The following CSMD1 variants were observed in gnomAD, a reference collection of about 807,000 sequenced individuals.
CSMD1 encodes CUB and sushi domain-containing protein 1.
CSMD1 carries 213 observed loss-of-function variants against 417.5 expected under a neutral mutation model. That is an observed-to-expected ratio of 0.51 (90% CI 0.46 to 0.57). The LOEUF (loss-of-function observed/expected upper bound fraction) is 0.57. Ranked by LOEUF, CSMD1 falls within the 20% of genes least tolerant of loss-of-function variation. CSMD1 has a pLI of 0.00. For missense variants in CSMD1, 6,923 were observed against 4,529.7 expected (o/e 1.53, Z -15.17); for synonymous variants, 2,862 against 1,736.8 (o/e 1.65, Z -16.11).
intron 10 of CSMD1, among the ~76,000 whole-genome samples, chr8:3,545,496 G>C (rs1325565789): frequency 1.3e-5 from 2 of 152,170 alleles, no homozygotes; most frequent in African/African-American, 4.8e-5. Flanking sequence ...ATTTTGAAGA[G>C]GTGAGTGATA....
chr8:4,949,139 C>A (rs764074251), intron 1 of CSMD1, among the ~76,000 whole-genome samples: 1 of 151,998 alleles, frequency 6.6e-6, no homozygotes, highest in Non-Finnish European at 1.5e-5. Context: ...TGATGTTAAA[C>A]TGCCTTTGTA....
At chr8:3,392,617 C>A (rs1043244513) in intron 17 of CSMD1, among the ~76,000 whole-genome samples, 15 of 152,066 alleles carry the variant, frequency 9.9e-5, no homozygotes, top group African/African-American at 1.4e-4. Context: ...CGTCTGCCTT[C>A]ACCTTATTCA....
At chr8:4,868,328 G>T (rs548610172) in intron 1 of CSMD1, among the ~76,000 whole-genome samples, 1 of 151,858 alleles carries the variant, frequency 6.6e-6, no homozygotes, top group African/African-American at 2.4e-5. Flanking sequence ...CCATCCCCTG[G>T]GTTCGAGCGA....
At chr8:4,791,619 C>T (rs1052132434) in intron 1 of CSMD1, among the ~76,000 whole-genome samples, 3 of 152,152 alleles carry the variant, frequency 2.0e-5, no homozygotes, top group African/African-American at 7.2e-5. Context: ...ATGTTACCAA[C>T]GTAAGGGTTG....
chr8:4,401,485 C>T (rs1804639007), intron 3 of CSMD1, among the ~76,000 whole-genome samples: 1 of 152,114 alleles, frequency 6.6e-6, no homozygotes, highest in Admixed American at 6.6e-5. Context: ...CAGCACCATC[C>T]CCTCACCCAG....
intron 5 of CSMD1, among the ~76,000 whole-genome samples, chr8:3,978,020 C>T (rs1813573266): frequency 6.6e-6 from 1 of 152,180 alleles, no homozygotes; most frequent in South Asian, 2.1e-4. Flanking sequence ...CTCAGATGGA[C>T]ACTTGCTTGT....
intron 7 of CSMD1, among the ~76,000 whole-genome samples, chr8:3,696,155 C>T (rs554395251): frequency 6.6e-6 from 1 of 152,184 alleles, no homozygotes; most frequent in Admixed American, 6.5e-5. Flanking sequence ...ACATAATGAA[C>T]GTATCTTCTT....
chr8:4,633,217 T>C (rs941984988), intron 2 of CSMD1, among the ~76,000 whole-genome samples: 3 of 151,940 alleles, frequency 2.0e-5, no homozygotes, highest in Non-Finnish European at 2.9e-5. Flanking sequence ...AGGCTGTGGT[T>C]AATGGAAAGG....
intron 2 of CSMD1, among the ~76,000 whole-genome samples, chr8:4,630,321 CA>C (rs1797472239): frequency 6.6e-6 from 1 of 150,924 alleles, no homozygotes; most frequent in South Asian, 2.1e-4. Context: ...CAGTTGTTGT[CA>C]ACTAAGGCTG....
chr8:4,065,715 G>C (rs1292261547), intron 3 of CSMD1, among the ~76,000 whole-genome samples: 3 of 152,170 alleles, frequency 2.0e-5, no homozygotes, highest in African/African-American at 7.2e-5. Flanking sequence ...ATCTGTGCTA[G>C]GTTATGTAAA....
intron 3 of CSMD1, among the ~76,000 whole-genome samples, chr8:4,324,276 C>A (rs2128886196): frequency 6.6e-6 from 1 of 152,310 alleles, no homozygotes; most frequent in African/African-American, 2.4e-5. Context: ...TTTCCTCTTC[C>A]TCATCACTAA....
intron 3 of CSMD1, among the ~76,000 whole-genome samples, chr8:4,263,571 A>G (rs1804033998): frequency 1.3e-5 from 2 of 152,310 alleles, no homozygotes; most frequent in South Asian, 4.1e-4. Flanking sequence ...GTCATAATCA[A>G]CAATCATGAG....
intron 1 of CSMD1, among the ~76,000 whole-genome samples, chr8:4,680,299 G>T: frequency 6.6e-6 from 1 of 152,078 alleles, no homozygotes; most frequent in East Asian, 1.9e-4. Context: ...AAATTCGACC[G>T]AAAAAGTAAT....
chr8:3,970,751 T>G (rs529831072), intron 5 of CSMD1, among the ~76,000 whole-genome samples: 4 of 152,016 alleles, frequency 2.6e-5, no homozygotes, highest in Admixed American at 6.6e-5. Context: ...TCTTGTTTTT[T>G]GTTTTTTTGT....
intron 5 of CSMD1, among the ~76,000 whole-genome samples, chr8:3,837,755 G>A (rs1390604475): frequency 6.6e-6 from 1 of 151,876 alleles, no homozygotes; most frequent in Non-Finnish European, 1.5e-5. Context: ...GCTCCTCCCA[G>A]TTTATCAGTT....
At chr8:3,319,645 A>T (rs574335999) in intron 23 of CSMD1, among the ~76,000 whole-genome samples, 1 of 152,256 alleles carries the variant, frequency 6.6e-6, no homozygotes, top group East Asian at 1.9e-4. Context: ...TTATATGATT[A>T]TTTTTAAAGA....
chr8:3,498,961 T>A (rs1796480321), intron 10 of CSMD1, among the ~76,000 whole-genome samples: 1 of 152,174 alleles, frequency 6.6e-6, no homozygotes, highest in African/African-American at 2.4e-5. Context: ...TTAACATCAT[T>A]ATTTTAAAAA....
At chr8:3,980,420 T>A (rs923716134) in intron 5 of CSMD1, among the ~76,000 whole-genome samples, 1 of 152,182 alleles carries the variant, frequency 6.6e-6, no homozygotes, top group Non-Finnish European at 1.5e-5. Context: ...TTCCCACTTC[T>A]ATGGTCAGGG....
intron 3 of CSMD1, among the ~76,000 whole-genome samples, chr8:4,142,010 G>A (rs1022084298): frequency 8.0e-5 from 12 of 150,576 alleles, no homozygotes; most frequent in South Asian, 2.1e-4. Context: ...ATTCAATGAT[G>A]TTCCAAAACT....
Sources: allele counts gnomAD v4.1 joint callset (sites outside exome capture counted in the v4.1 genomes callset), GRCh38; gene constraint gnomAD v4.1.1; transcripts MANE v1.5; gene names NCBI Gene and HGNC (gene_info 2026-07-23, HGNC 2026-07-21).